Variants in CHRNB3 observed in about 807,000 individuals in gnomAD.
CHRNB3 encodes the protein cholinergic receptor nicotinic beta 3 subunit.
A neutral mutation model predicts 40.6 loss-of-function variants in CHRNB3; 37 were observed. The ratio of observed to expected loss-of-function variants is 0.91; its 90% CI spans 0.70 to 1.20. The LOEUF (loss-of-function observed/expected upper bound fraction) is 1.20. Among genes scored for constraint, CHRNB3 ranks in the 50% most tolerant of loss-of-function variants. The probability of loss-of-function intolerance (pLI) is 0.00; values close to 1 mark genes in which losing one functional copy is unlikely to be tolerated. For missense variants in CHRNB3, 505 were observed against 551.2 expected, an observed-to-expected ratio of 0.92 and a Z score of 0.84; for synonymous variants, 207 against 207.1, an observed-to-expected ratio of 1.00 and a Z score of 0.00.
At chr8:42,716,914 A>G (rs934624311) in intron 3 of CHRNB3, among the ~76,000 whole-genome samples, 1 of 152,122 alleles carries the variant, frequency 6.6e-6, no homozygotes, top group Non-Finnish European at 1.5e-5. Flanking sequence ...TCCTCTCCCC[A>G]TGACAATCCT....
At position 42,730,646 on chromosome 8, in the gene CHRNB3, A is replaced by G; in HGVS notation, c.302A>G (p.His101Arg). Reference sequence around the variant, plus strand: ...AATCCTGATGATTATGGTGGGATCCATTCCATTAAAGTTCCATCAGAATCT... The same window carrying G: ...AATCCTGATGATTATGGTGGGATCCGTTCCATTAAAGTTCCATCAGAATCT... The part of the protein sequence containing the change: ...RWNPDDYGGI[H>R]SIKVPSESLW... Residue 101 changes from histidine to arginine, a missense_variant, in exon 4 of 6, where the codon CAT becomes CGT. Physicochemically the swap from His to Arg is conservative, Grantham distance 29. Coordinates refer to ENST00000289957, the MANE Select transcript of CHRNB3 (RefSeq NM_000749.5). The G allele has an allele frequency of 1.9e-6, 3 of 1,611,256 alleles. No homozygotes were observed. The highest frequency in any genetic ancestry group is 2.5e-6 in the Non-Finnish European group (3 of 1,178,210).
chr8:42,710,833 T>C (rs1275069424), intron 3 of CHRNB3, among the ~76,000 whole-genome samples: 1 of 152,216 alleles, frequency 6.6e-6, no homozygotes, highest in African/African-American at 2.4e-5. Context: ...TCTGGTCCTC[T>C]GTGGGTAGAA....
At chr8:42,724,292 C>G (rs1246166757) in intron 3 of CHRNB3, among the ~76,000 whole-genome samples, 2 of 152,008 alleles carry the variant, frequency 1.3e-5, no homozygotes, top group African/African-American at 4.8e-5. Context: ...TTACAAAAAC[C>G]CCCAACACCT....
intron 3 of CHRNB3, among the ~76,000 whole-genome samples, chr8:42,718,621 C>T (rs913466200): frequency 1.4e-5 from 2 of 143,120 alleles, no homozygotes; most frequent in Non-Finnish European, 3.0e-5. Flanking sequence ...TGCAGTGAGC[C>T]GAGATGGCGC....
intron 3 of CHRNB3, among the ~76,000 whole-genome samples, chr8:42,717,655 T>C (rs914546705): frequency 1.3e-5 from 2 of 151,718 alleles, no homozygotes; most frequent in African/African-American, 2.4e-5. Context: ...CTGTATAAAC[T>C]TGGGCAAGTC....
At chr8:42,707,138 T>C (rs1815934878) in intron 1 of CHRNB3, among the ~76,000 whole-genome samples, 1 of 152,144 alleles carries the variant, frequency 6.6e-6, no homozygotes, top group African/African-American at 2.4e-5. Flanking sequence ...TGGAGGAAAA[T>C]GGGGCTGGGA....
At chr8:42,718,073 G>A (rs973110341) in intron 3 of CHRNB3, among the ~76,000 whole-genome samples, 2 of 151,736 alleles carry the variant, frequency 1.3e-5, no homozygotes, top group Admixed American at 6.6e-5. Flanking sequence ...TCATGTGATC[G>A]CCTACCTGGG....
chr8:42,728,293 G>T (rs1816343839), intron 3 of CHRNB3, among the ~76,000 whole-genome samples: 2 of 152,074 alleles, frequency 1.3e-5, no homozygotes, highest in Non-Finnish European at 2.9e-5. Context: ...TGGGAGGTGA[G>T]GCAGGAGAAT....
At chr8:42,700,076 C>CA (rs1193049044) in intron 1 of CHRNB3, among the ~76,000 whole-genome samples, 1 of 148,068 alleles carries the variant, frequency 6.8e-6, no homozygotes, top group African/African-American at 2.5e-5. Flanking sequence ...TACAGTGGCG[C>CA]GATCTCTGCT....
At chr8:42,704,104 C>G (rs1363898727) in intron 1 of CHRNB3, among the ~76,000 whole-genome samples, 1 of 152,176 alleles carries the variant, frequency 6.6e-6, no homozygotes, top group African/African-American at 2.4e-5. Context: ...TCTCACAGTT[C>G]TGGAGGCTGG....
intron 3 of CHRNB3, among the ~76,000 whole-genome samples, chr8:42,712,843 C>G (rs1036979848): frequency 6.7e-6 from 1 of 149,118 alleles, no homozygotes; most frequent in Non-Finnish European, 1.5e-5. Flanking sequence ...TGCACACCTC[C>G]TTCCCCCACT....
intron 1 of CHRNB3, among the ~76,000 whole-genome samples, 163 bp downstream of exon 1, chr8:42,697,761 TG>T (rs201053630): frequency 2.6e-5 from 4 of 152,194 alleles, no homozygotes; most frequent in Admixed American, 6.5e-5. Context: ...CTGTGAGATG[TG>T]GGGTTTTTTT....
chr8:42,728,783 A>G (rs1246565314), intron 3 of CHRNB3, among the ~76,000 whole-genome samples: 1 of 152,170 alleles, frequency 6.6e-6, no homozygotes, highest in Non-Finnish European at 1.5e-5. Flanking sequence ...TGCAGTTATT[A>G]TACAGCTATT....
chr8:42,703,435 A>AAAAAAAAAAAT lies in CHRNB3; in HGVS notation c.53-5281_53-5280insAAAAAAAAATA. ...CAAGACTTCGTCTAAAAAAAAAAAA[A>AAAAAAAAAAAT]ATATTTATATATATATATATATATA... On this transcript the variant is annotated intron_variant, in intron 1 of 5. Transcript: ENST00000289957. Among the ~76,000 whole-genome samples, 45 of 47,400 alleles carry AAAAAAAAAAAT rather than the reference A, an allele frequency of 9.5e-4. 5 individuals are homozygous for AAAAAAAAAAAT. The highest frequency in any genetic ancestry group is 0.01 in the Middle Eastern group (1 of 96). 31.1% of individuals were successfully genotyped at this position (47,400 alleles called of 152,430 possible). A position where few individuals can be genotyped will look rare whatever the true frequency, so the allele number is the denominator to read the frequency against.
intron 3 of CHRNB3, among the ~76,000 whole-genome samples, chr8:42,728,879 A>C (rs566976229): frequency 6.6e-6 from 1 of 152,286 alleles, no homozygotes; most frequent in African/African-American, 2.4e-5. Context: ...AACAAACCAC[A>C]AATGCTACTG....
intron 1 of CHRNB3, among the ~76,000 whole-genome samples, chr8:42,703,459 T>TATATATATATATATATATATAC: frequency 8.0e-6 from 1 of 125,498 alleles, no homozygotes; most frequent in Admixed American, 8.6e-5. Flanking sequence ...TATATATATA[T>TATATATATATATATATATATAC]ATGTATCCAC....
At chr8:42,704,781 C>G (rs990423517) in intron 1 of CHRNB3, among the ~76,000 whole-genome samples, 1 of 152,054 alleles carries the variant, frequency 6.6e-6, no homozygotes, top group Non-Finnish European at 1.5e-5. Context: ...ATGGTGTCTT[C>G]AGTAATTTGT....
chr8:42,703,689 A>G (rs976317768), intron 1 of CHRNB3, among the ~76,000 whole-genome samples: 1 of 152,072 alleles, frequency 6.6e-6, no homozygotes, highest in East Asian at 1.9e-4. Context: ...GCAGTGAGCC[A>G]TGCTGGCTCT....
At position 42,736,874 on chromosome 8, in the gene CHRNB3, G is replaced by A. The variant is rs529648578; in HGVS notation, c.*256G>A. The A allele has an allele frequency of 3.2e-4, 159 of 499,128 alleles. No homozygotes were observed. Among genetic ancestry groups the A allele is most frequent in the Middle Eastern group, 1.6e-3 (3 of 1,824 alleles). The allele number at this position is 499,128 out of a possible 1,614,324, so 30.9% of individuals were successfully genotyped here. A position where few individuals can be genotyped will look rare whatever the true frequency, so the allele number is the denominator to read the frequency against. On this transcript the variant is annotated 3_prime_UTR_variant, in exon 6 of 6. Transcript: ENST00000289957. ...CCCAGACATTCAGGGAGGGATCATA[G>A]GTCCAGGCTTGAGCTCACATGTGGC...
Sources: allele counts gnomAD v4.1 joint callset (sites outside exome capture counted in the v4.1 genomes callset), GRCh38; gene constraint gnomAD v4.1.1; transcripts MANE v1.5; gene names NCBI Gene and HGNC (gene_info 2026-07-23, HGNC 2026-07-21).